NCOR1: variants seen among roughly 807,000 people sequenced by gnomAD.
NCOR1 encodes nuclear receptor corepressor 1, also known as protein phosphatase 1, regulatory subunit 109.
Under a neutral mutation model 288.1 loss-of-function variants are expected in NCOR1, and 63 were observed. That is an observed-to-expected ratio of 0.22 (90% CI 0.18 to 0.27). The LOEUF (loss-of-function observed/expected upper bound fraction) is 0.27, where lower values mean the gene tolerates loss of function less well. Ranked by LOEUF, NCOR1 falls within the 10% of genes least tolerant of loss-of-function variation. The pLI is 1.00. For synonymous variants in NCOR1, 1,007 were observed against 1,065.9 expected (o/e 0.94, Z 1.08); for missense variants, 2,397 against 3,019.2 (o/e 0.79, Z 4.83).
chr17:16,085,993 G>A (rs558753298), intron 23 of NCOR1, among the ~76,000 whole-genome samples: 5 of 152,284 alleles, frequency 3.3e-5, no homozygotes, highest in East Asian at 1.9e-4. Flanking sequence ...TTTAAAACTT[G>A]GTAAGTTTAG....
rs116145392 is a variant in NCOR1 at position 16,199,632 on chromosome 17, A to G, written c.-70-4993T>C. Among the ~76,000 whole-genome samples, 1,393 of 152,296 alleles carry G rather than the reference A, an allele frequency of 9.1e-3. 28 individuals are homozygous for G. The highest frequency in any genetic ancestry group is 0.032 in the African/African-American group (1,331 of 41,556). On this transcript the variant is annotated intron_variant, in intron 1 of 45. Coordinates refer to ENST00000268712, the MANE Select transcript of NCOR1 (RefSeq NM_006311.4). The stretch of plus-strand genomic sequence containing the variant: ...CCACTGAAATAAAAGAATCTAGTTT[A>G]AAGTTCAGACTGAAGGGGAAGGGAG...
At chr17:16,144,207 TTTC>T (rs1463612076) in intron 10 of NCOR1, among the ~76,000 whole-genome samples, 1 of 152,228 alleles carries the variant, frequency 6.6e-6, no homozygotes, top group Non-Finnish European at 1.5e-5. Flanking sequence ...TATCAAAGAA[TTTC>T]TTAATTGGCC....
rs756424059 is a variant in NCOR1, at chr17:16,031,432, A to G, written c.*864T>C. On this transcript the variant is annotated 3_prime_UTR_variant, in exon 46 of 46. Transcript: ENST00000268712. ...GGACAGGGTAGTCAAATTTATTTCA[A>G]AACAAAAGCTTTGTTGGGCTGCATC... 1.5e-5 allele frequency: 3 copies of G among 194,064 alleles called. No individual in the cohort carries two copies. The highest frequency in any genetic ancestry group is 3.2e-5 in the Non-Finnish European group (3 of 93,190). The allele number at this position is 194,064 out of a possible 1,614,324, so 12.0% of individuals were successfully genotyped here. A position where few individuals can be genotyped will look rare whatever the true frequency, so the allele number is the denominator to read the frequency against.
At position 16,126,193 on chromosome 17, in the gene NCOR1, G is replaced by T; in HGVS notation, c.1523C>A (p.Pro508His). 1.3e-6 allele frequency: 2 copies of T among 1,518,038 alleles called. No homozygotes were observed. Among genetic ancestry groups the T allele is most frequent in the South Asian group, 1.4e-5 (1 of 72,110 alleles). The allele number at this position is 1,518,038 out of a possible 1,614,324, so 94.0% of individuals were successfully genotyped here. Residue 508 changes from proline (P) to histidine (H), a missense_variant, in exon 15 of 46, where the codon CCC becomes CAC. This residue lies in a region of NCOR1 where 113 missense variants were observed against 139.5 expected (regional missense o/e 0.81). Coordinates refer to ENST00000268712, the MANE Select transcript of NCOR1 (RefSeq NM_006311.4). Reference sequence around the variant, plus strand: ...TTCTTCTACTTTTTCTTCTTGCGAGGGTCGAGCAATTTGCTGCTAGAATGA... The same window carrying T: ...TTCTTCTACTTTTTCTTCTTGCGAGTGTCGAGCAATTTGCTGCTAGAATGA... ...RRGRNQQIAR[P>H]SQEEKVEEKE...
chr17:16,093,531 C>A (rs1442016447), intron 21 of NCOR1, among the ~76,000 whole-genome samples: 2 of 152,142 alleles, frequency 1.3e-5, no homozygotes, highest in Non-Finnish European at 2.9e-5. Context: ...AAAAAAATAG[C>A]CCAGAACACA....
In NCOR1 at chr17:16,137,251, T is replaced by C. The variant is rs114914240; in HGVS notation, c.1509+60A>G. 9.0e-4 allele frequency: 1,004 copies of C among 1,114,810 alleles called. 11 individuals carry two copies. In the African/African-American group the frequency reaches 0.015, roughly 16 times the overall value. 69.1% of individuals were successfully genotyped at this position (1,114,810 alleles called of 1,614,324 possible). ...AAGGGCAGGACTTCTGTTTTAACAC[T>C]TTTTGCTTGCCTATTTCCCCCAATC... On this transcript the variant is annotated intron_variant, in intron 14 of 45. Coordinates refer to ENST00000268712, the MANE Select transcript of NCOR1 (RefSeq NM_006311.4).
At position 16,138,225 on chromosome 17, in the gene NCOR1, GA is replaced by G. The variant is rs1200305351; in HGVS notation, c.1353-14del. Reference sequence around the variant, plus strand: ...ATGCTGGATAAACCTGAGTGAAAACGAAAACAAAAACACACTTGCGTACAAA... The same window carrying G: ...ATGCTGGATAAACCTGAGTGAAAACGAAACAAAAACACACTTGCGTACAAA... On this transcript the variant is annotated splice_polypyrimidine_tract_variant and intron_variant, in intron 12 of 45. Transcript: ENST00000268712. 6.3e-7 allele frequency: 1 copy of G among 1,598,408 alleles called. No individual in the cohort carries two copies. The highest frequency in any genetic ancestry group is 8.5e-7 in the Non-Finnish European group (1 of 1,171,360).
At chr17:16,162,807 G>C (rs2081133159) in intron 5 of NCOR1, among the ~76,000 whole-genome samples, 1 of 152,158 alleles carries the variant, frequency 6.6e-6, no homozygotes, top group Admixed American at 6.5e-5. Flanking sequence ...TTCGATGGAA[G>C]ACTTGAGTTG....
chr17:16,203,280 C>T (rs1299831082), intron 1 of NCOR1, among the ~76,000 whole-genome samples: 1 of 152,222 alleles, frequency 6.6e-6, no homozygotes, highest in East Asian at 1.9e-4. Context: ...CAAGTACTTA[C>T]GATGACCCAA....
At chr17:16,090,046 T>C (rs1263529645) in intron 22 of NCOR1, among the ~76,000 whole-genome samples, 1 of 152,116 alleles carries the variant, frequency 6.6e-6, no homozygotes, top group African/African-American at 2.4e-5. Context: ...ACCACTGAGA[T>C]CTAAACCACG....
At chr17:16,061,915 C>A in intron 36 of NCOR1, 21 bp from the exon 37 acceptor site, 1 of 1,589,294 alleles carries the variant, frequency 6.3e-7, no homozygotes, top group Non-Finnish European at 8.6e-7. Flanking sequence ...AACCAAATCA[C>A]AGCTCTGTGA....
intron 14 of NCOR1, among the ~76,000 whole-genome samples, chr17:16,134,972 A>C (rs1253422461): frequency 3.9e-5 from 6 of 152,066 alleles, no homozygotes; most frequent in Non-Finnish European, 5.9e-5. Flanking sequence ...ATCCTGACTA[A>C]CACGGTGAAA....
chr17:16,079,149 C>T (rs1209263428), intron 26 of NCOR1, among the ~76,000 whole-genome samples: 1 of 152,150 alleles, frequency 6.6e-6, no homozygotes, highest in East Asian at 1.9e-4. Flanking sequence ...ACACAGACTG[C>T]CAGTCCCCAC....
In NCOR1 at chr17:16,095,846, A is replaced by C. The variant is rs1036304610; in HGVS notation, c.2820+2521T>G. ...GGAGGTACCCAACAGCTCATTGAGAACGGGCCATGATGACGATGGCGGTTT... is the reference window on the plus strand; with the variant it reads ...GGAGGTACCCAACAGCTCATTGAGACCGGGCCATGATGACGATGGCGGTTT... On this transcript the variant is annotated intron_variant, in intron 21 of 45. Coordinates refer to ENST00000268712, the MANE Select transcript of NCOR1 (RefSeq NM_006311.4). 8.5e-5 allele frequency among the ~76,000 whole-genome samples: 13 copies of C among 152,108 alleles called. No individual in the cohort carries two copies. The East Asian group carries it at 2.3e-3, about 27-fold the overall frequency.
At chr17:16,111,504 AGG>A (rs1460273153) in intron 18 of NCOR1, among the ~76,000 whole-genome samples, 1 of 152,162 alleles carries the variant, frequency 6.6e-6, no homozygotes, top group Non-Finnish European at 1.5e-5. Flanking sequence ...TGGGACACTG[AGG>A]CAGGAGTATC....
Position 16,093,294 on chromosome 17 carries a change from C to G in NCOR1, c.2821-1236G>C, listed in dbSNP as rs2065742271. ...AATTAATCTCCTCCTCTCCCACAAC[C>G]AACTCATTCACATAGCCATTCCCTT... On this transcript the variant is annotated intron_variant, in intron 21 of 45. Transcript: ENST00000268712. 2.6e-5 allele frequency among the ~76,000 whole-genome samples: 4 copies of G among 152,316 alleles called. No homozygotes were observed. The South Asian group carries it at 6.2e-4, about 24-fold the overall frequency.
Position 16,139,075 on chromosome 17 carries a change from T to C in NCOR1, c.1285A>G (p.Lys429Glu), listed in dbSNP as rs764475771. ...NMNGLMEDPM[K>E]VYKDRQFMNV... ...ATAAACTGCCTATCTTTATACACTT[T>C]CATAGGGTCCTCCATAAGCCCATTC... The change falls in exon 12 of 46, where the codon AAA becomes GAA. Residue 429 changes from lysine (K) to glutamate (E), a missense_variant. By Grantham distance (56) the Lys-to-Glu change is moderately conservative (BLOSUM62 1). Coordinates refer to ENST00000268712, the MANE Select transcript of NCOR1 (RefSeq NM_006311.4). 6.2e-7 allele frequency: 1 copy of C among 1,612,028 alleles called. No homozygotes were observed. Among genetic ancestry groups the C allele is most frequent in the Admixed American group, 1.7e-5 (1 of 59,746 alleles).
At chr17:16,100,657 TG>T in intron 20 of NCOR1, among the ~76,000 whole-genome samples, 1 of 152,318 alleles carries the variant, frequency 6.6e-6, no homozygotes, top group South Asian at 2.1e-4. Flanking sequence ...AAAAAAAACT[TG>T]TAAATTAATC....
At chr17:16,040,654 T>C (rs1045528800) in intron 42 of NCOR1, 160 bp from the exon 43 acceptor site, 1 of 724,296 alleles carries the variant, frequency 1.4e-6, no homozygotes, top group African/African-American at 1.8e-5. Context: ...AAGTATTTTT[T>C]TTTTTTGAGA....
Sources: allele counts gnomAD v4.1 joint callset (sites outside exome capture counted in the v4.1 genomes callset), GRCh38; gene constraint gnomAD v4.1.1; regional missense constraint gnomAD v4.1.1; transcripts MANE v1.5; gene names NCBI Gene and HGNC (gene_info 2026-07-23, HGNC 2026-07-21).